Variants in PALM2AKAP2 observed in about 807,000 individuals in gnomAD.
PALM2AKAP2 encodes the protein PALM2 and AKAP2 fusion.
PALM2AKAP2 carries 37 observed loss-of-function variants against 71.5 expected under a neutral mutation model. The observed-to-expected ratio is 0.52, with a 90% CI of 0.40 to 0.68. PALM2AKAP2 has a LOEUF of 0.68. Among genes scored for constraint, PALM2AKAP2 ranks in the 30% least tolerant of loss-of-function variants. PALM2AKAP2 has a pLI of 0.00. For synonymous variants in PALM2AKAP2, 468 were observed against 478.8 expected (o/e 0.98, Z 0.29); for missense variants, 1,224 against 1,191.8 (o/e 1.03, Z -0.40).
intron 3 of PALM2AKAP2, among the ~76,000 whole-genome samples, chr9:109,891,749 C>T (rs1231598948): frequency 1.3e-5 from 2 of 152,116 alleles, no homozygotes; most frequent in African/African-American, 4.8e-5. Context: ...CCTTGGCCTC[C>T]CAAAGTGCTG....
intron 1 of PALM2AKAP2, among the ~76,000 whole-genome samples, chr9:109,766,769 G>A (rs1330670909): frequency 1.3e-5 from 2 of 152,138 alleles, no homozygotes; most frequent in Non-Finnish European, 2.9e-5. Flanking sequence ...AGCCAACACA[G>A]ACCTTCTCAT....
chr9:109,788,359 A>G (rs558360712), intron 1 of PALM2AKAP2, among the ~76,000 whole-genome samples: 10 of 152,344 alleles, frequency 6.6e-5, no homozygotes, highest in African/African-American at 2.4e-4. Flanking sequence ...TGCTGGGCTC[A>G]GGACTCATAG....
chr9:109,988,565 A>G (rs1832419065), intron 6 of PALM2AKAP2, among the ~76,000 whole-genome samples: 1 of 70,616 alleles, frequency 1.4e-5, no homozygotes, highest in Non-Finnish European at 4.6e-5. Context: ...GGGAGGGAGG[A>G]AGGAGGAAGG....
chr9:109,776,497 A>G (rs1016154544), upstream of PALM2AKAP2, among the ~76,000 whole-genome samples: 7 of 152,238 alleles, frequency 4.6e-5, no homozygotes, highest in Non-Finnish European at 8.8e-5. Flanking sequence ...AGGTGAACTA[A>G]TAGCCTGAAG....
chr9:110,062,983 T>A (rs1402059324), intron 1 of PALM2AKAP2, among the ~76,000 whole-genome samples: 3 of 152,210 alleles, frequency 2.0e-5, no homozygotes, highest in Non-Finnish European at 4.4e-5. Context: ...ATAGTTTATC[T>A]TATACAGGCG....
At chr9:109,849,717 T>C (rs907199308) in intron 1 of PALM2AKAP2, among the ~76,000 whole-genome samples, 1 of 151,914 alleles carries the variant, frequency 6.6e-6, no homozygotes, top group Non-Finnish European at 1.5e-5. Context: ...GATTGTGCCA[T>C]TGCACTCCAG....
At chr9:109,701,810 C>T (rs1310564472) in intron 1 of PALM2AKAP2, among the ~76,000 whole-genome samples, 2 of 152,146 alleles carry the variant, frequency 1.3e-5, no homozygotes, top group Non-Finnish European at 2.9e-5. Flanking sequence ...AACAGTCAAC[C>T]TACAGAATGG....
intron 1 of PALM2AKAP2, among the ~76,000 whole-genome samples, chr9:109,822,252 A>G (rs1395764007): frequency 6.7e-6 from 1 of 149,508 alleles, no homozygotes; most frequent in African/African-American, 2.5e-5. Context: ...CTCTCTTCCC[A>G]TCTTCCCCAT....
chr9:109,946,130 T>C (rs1407547989), intron 6 of PALM2AKAP2: 1 of 152,204 alleles, frequency 6.6e-6, no homozygotes, highest in African/African-American at 2.4e-5. Flanking sequence ...AGCCAGTACT[T>C]CTATGGGATG....
intron 1 of PALM2AKAP2, among the ~76,000 whole-genome samples, chr9:109,838,764 C>T (rs1286174034): frequency 6.6e-6 from 1 of 152,178 alleles, no homozygotes; most frequent in African/African-American, 2.4e-5. Flanking sequence ...CACAAATAAA[C>T]TAGAAAATCT....
chr9:109,821,222 A>G (rs1157337359), intron 1 of PALM2AKAP2, among the ~76,000 whole-genome samples: 1 of 152,148 alleles, frequency 6.6e-6, no homozygotes, highest in Admixed American at 6.6e-5. Flanking sequence ...GTAGGTGCTT[A>G]ATAATTGTCT....
chr9:109,954,371 G>A (rs1292807739), intron 6 of PALM2AKAP2, among the ~76,000 whole-genome samples: 2 of 152,102 alleles, frequency 1.3e-5, no homozygotes, highest in Non-Finnish European at 2.9e-5. Flanking sequence ...CTCCCCAGCA[G>A]CCCCCAAGCC....
At chr9:109,924,439 A>T (rs1182467874) in intron 4 of PALM2AKAP2, among the ~76,000 whole-genome samples, 1 of 152,120 alleles carries the variant, frequency 6.6e-6, no homozygotes, top group Non-Finnish European at 1.5e-5. Flanking sequence ...TGTACTAAAA[A>T]ATACAAAAAA....
intron 1 of PALM2AKAP2, among the ~76,000 whole-genome samples, chr9:109,812,491 C>A (rs192508641): frequency 6.6e-6 from 1 of 152,048 alleles, no homozygotes; most frequent in Non-Finnish European, 1.5e-5. Flanking sequence ...ACCCATCCAG[C>A]GGCACAATTT....
At chr9:109,958,905 G>A (rs1831798542) in intron 6 of PALM2AKAP2, among the ~76,000 whole-genome samples, 1 of 152,122 alleles carries the variant, frequency 6.6e-6, no homozygotes, top group African/African-American at 2.4e-5. Context: ...GAAATTCAGT[G>A]GGGGGAATAC....
At chr9:109,906,010 G>A (rs1830438064) in intron 3 of PALM2AKAP2, among the ~76,000 whole-genome samples, 1 of 135,058 alleles carries the variant, frequency 7.4e-6, no homozygotes, top group Non-Finnish European at 1.7e-5. Flanking sequence ...AGAAGAAATG[G>A]TCAGTTTACG....
intron 1 of PALM2AKAP2, among the ~76,000 whole-genome samples, chr9:109,655,325 T>G (rs1200616852): frequency 6.7e-6 from 1 of 148,252 alleles, no homozygotes; most frequent in Non-Finnish European, 1.5e-5. Context: ...AAAAGATTGC[T>G]CAAGGGCAGC....
chr9:109,980,536 T>G (rs991906119), intron 6 of PALM2AKAP2, among the ~76,000 whole-genome samples: 1 of 152,196 alleles, frequency 6.6e-6, no homozygotes, highest in African/African-American at 2.4e-5. Flanking sequence ...CCTCAAGTTG[T>G]GCATGTTGGC....
At chr9:109,816,943 G>A (rs1341467941) in intron 1 of PALM2AKAP2, among the ~76,000 whole-genome samples, 2 of 152,196 alleles carry the variant, frequency 1.3e-5, no homozygotes, top group African/African-American at 4.8e-5. Flanking sequence ...AGTTTGTCTG[G>A]AGGCGGTACA....
Sources: allele counts gnomAD v4.1 joint callset (sites outside exome capture counted in the v4.1 genomes callset), GRCh38; gene constraint gnomAD v4.1.1; transcripts MANE v1.5; gene names NCBI Gene and HGNC (gene_info 2026-07-23, HGNC 2026-07-21).